The following EPHB1 variants were observed in gnomAD, a reference collection of about 807,000 sequenced individuals.
The protein encoded by EPHB1 is ephrin type-B receptor 1.
EPHB1 carries 30 observed loss-of-function variants against 94.4 expected under a neutral mutation model. The ratio of observed to expected loss-of-function variants is 0.32; its 90% CI spans 0.24 to 0.43. The LOEUF (loss-of-function observed/expected upper bound fraction) is 0.43. EPHB1 is among the 20% of genes least tolerant of loss of function. The pLI is 1.00. For synonymous variants in EPHB1, 522 were observed against 489.1 expected (o/e 1.07, Z -0.89); for missense variants, 1,055 against 1,308.3 (o/e 0.81, Z 2.99).
At chr3:135,173,768 A>G (rs990523411) in intron 9 of EPHB1, among the ~76,000 whole-genome samples, 17 of 152,184 alleles carry the variant, frequency 1.1e-4, no homozygotes, top group African/African-American at 4.1e-4. Context: ...CTTCAGTCCG[A>G]GTTTTCTGAC....
chr3:134,876,720 G>T (rs1483982417), intron 1 of EPHB1, among the ~76,000 whole-genome samples: 1 of 152,190 alleles, frequency 6.6e-6, no homozygotes, highest in Non-Finnish European at 1.5e-5. Context: ...AGTGTTTGGG[G>T]TAGGTTGGGG....
At chr3:135,219,665 C>T (rs1442048570) in intron 12 of EPHB1, among the ~76,000 whole-genome samples, 2 of 152,180 alleles carry the variant, frequency 1.3e-5, no homozygotes, top group Admixed American at 1.3e-4. Flanking sequence ...ACTGAGTTGG[C>T]AATGTAATTT....
intron 12 of EPHB1, among the ~76,000 whole-genome samples, chr3:135,231,919 TGTCACCATCAAGATTGTG>T (rs1943540517): frequency 6.6e-6 from 1 of 152,210 alleles, no homozygotes; most frequent in Non-Finnish European, 1.5e-5. Flanking sequence ...TAAATTACAG[TGTCACCATCAAGATTGTG>T]GCTTCTGGAA....
intron 1 of EPHB1, among the ~76,000 whole-genome samples, chr3:134,802,446 T>C (rs2035952999): frequency 6.6e-6 from 1 of 151,944 alleles, no homozygotes. Flanking sequence ...GCATGGATCC[T>C]CATAGCCTGT....
chr3:135,208,178 G>T lies in EPHB1; in HGVS notation c.2346+6489G>T, dbSNP rs553396931. On this transcript the variant is annotated intron_variant, in intron 12 of 15. Coordinates refer to ENST00000398015, the MANE Select transcript of EPHB1 (RefSeq NM_004441.5). ...AAGGGACCCCTGTTTAGGGCATTTG[G>T]AGATTTAGGGAGGAAGCATCCAAGG... Among the ~76,000 whole-genome samples the T allele has an allele frequency of 2.0e-5, 3 of 152,280 alleles. No individual in the cohort carries two copies. The East Asian group carries it at 5.8e-4, about 29-fold the overall frequency.
At position 135,241,341 on chromosome 3, in the gene EPHB1, G is replaced by A. The variant is rs747153018; in HGVS notation, c.2496+44G>A. On this transcript the variant is annotated intron_variant, in intron 13 of 15. Coordinates refer to ENST00000398015, the MANE Select transcript of EPHB1 (RefSeq NM_004441.5). ...TGGTCACCACAAACCCCCATTGAAG[G>A]GATCCCAAAGGCAGTAGCATACCAA... 5 of 1,609,894 alleles carry A rather than the reference G, an allele frequency of 3.1e-6. No individual in the cohort carries two copies. The Admixed American group carries it at 6.7e-5, about 22-fold the overall frequency.
chr3:134,832,879 T>G (rs1236373589), intron 1 of EPHB1, among the ~76,000 whole-genome samples: 1 of 152,222 alleles, frequency 6.6e-6, no homozygotes, highest in Non-Finnish European at 1.5e-5. Context: ...AACGCTGCAA[T>G]TCAGTGTATT....
In EPHB1 at chr3:134,795,334, G is replaced by C; in HGVS notation, c.-298G>C. ...GACACCAGGACGCACTCGCTCTCGC[G>C]CGCTCTCCCAGGCTCGTTCTCCCTC... On this transcript the variant is annotated 5_prime_UTR_variant, in exon 1 of 16. Coordinates refer to ENST00000398015, the MANE Select transcript of EPHB1 (RefSeq NM_004441.5). 1 of 481,122 alleles carries C rather than the reference G, an allele frequency of 2.1e-6. No individual in the cohort carries two copies. 29.8% of individuals were successfully genotyped at this position (481,122 alleles called of 1,614,324 possible).
intron 12 of EPHB1, among the ~76,000 whole-genome samples, chr3:135,230,717 C>G (rs1184409900): frequency 6.6e-6 from 1 of 152,088 alleles, no homozygotes; most frequent in African/African-American, 2.4e-5. Flanking sequence ...ATGCCTCCCT[C>G]CCTCCCTCTC....
intron 1 of EPHB1, among the ~76,000 whole-genome samples, chr3:134,900,767 G>A (rs953989731): frequency 7.9e-5 from 12 of 152,140 alleles, no homozygotes; most frequent in African/African-American, 2.7e-4. Flanking sequence ...GGGGGCATGG[G>A]TGTGTACATG....
chr3:135,149,788 T>A (rs370093090), intron 5 of EPHB1, among the ~76,000 whole-genome samples: 1 of 152,210 alleles, frequency 6.6e-6, no homozygotes, highest in Admixed American at 6.5e-5. Context: ...GTAACCCTCA[T>A]GTCATTGCCA....
At chr3:134,965,713 T>G (rs1933714769) in intron 3 of EPHB1, among the ~76,000 whole-genome samples, 1 of 152,070 alleles carries the variant, frequency 6.6e-6, no homozygotes, top group Non-Finnish European at 1.5e-5. Context: ...GAGCCTAAAT[T>G]CGAGTTAACC....
intron 1 of EPHB1, among the ~76,000 whole-genome samples, chr3:134,796,902 C>T (rs776651544): frequency 1.0e-3 from 155 of 152,350 alleles, no homozygotes; most frequent in Non-Finnish European, 1.8e-3. Context: ...ACTCGTTCCT[C>T]GCGAAACTGT....
intron 3 of EPHB1, among the ~76,000 whole-genome samples, chr3:135,094,095 C>T (rs1938659146): frequency 6.6e-6 from 1 of 152,132 alleles, no homozygotes; most frequent in African/African-American, 2.4e-5. Flanking sequence ...GTATAAATTC[C>T]ATCAAAAGAG....
At chr3:135,014,383 G>A (rs1160838969) in intron 3 of EPHB1, among the ~76,000 whole-genome samples, 1 of 152,146 alleles carries the variant, frequency 6.6e-6, no homozygotes, top group African/African-American at 2.4e-5. Flanking sequence ...CCAAAAGGGG[G>A]CCTTCCTTTT....
intron 1 of EPHB1, among the ~76,000 whole-genome samples, chr3:134,882,788 T>TTCTTTCTTTC (rs1289139455): frequency 6.1e-4 from 42 of 69,214 alleles, no homozygotes; most frequent in African/African-American, 1.6e-3. Flanking sequence ...CTTTCTTTCT[T>TTCTTTCTTTC]TCTTTCTTTC....
chr3:134,936,921 C>T (rs548901242), intron 2 of EPHB1, among the ~76,000 whole-genome samples: 2 of 152,208 alleles, frequency 1.3e-5, no homozygotes, highest in East Asian at 1.9e-4. Flanking sequence ...CATATCTTCA[C>T]GGGGCTGACC....
At position 135,076,260 on chromosome 3, in the gene EPHB1, T is replaced by TATATATATATATATATATATATATAA. The variant is rs1424213544; in HGVS notation, c.806-30187_806-30186insTATATATATATATATATATATATAAA. On this transcript the variant is annotated intron_variant, in intron 3 of 15. Transcript: ENST00000398015. ...ATATATATATATATATATATATATA[T>TATATATATATATATATATATATATAA]AACTCTTAAATGCATTAGTAAAAAG... Among the ~76,000 whole-genome samples, 413 of 104,132 alleles carry TATATATATATATATATATATATATAA rather than the reference T, an allele frequency of 4.0e-3. 18 individuals are homozygous for TATATATATATATATATATATATATAA. Among genetic ancestry groups the TATATATATATATATATATATATATAA allele is most frequent in the African/African-American group, 0.014 (389 of 27,448 alleles). The allele number at this position is 104,132 out of a possible 152,430, so 68.3% of individuals were successfully genotyped here.
In EPHB1 at chr3:135,260,108, G is replaced by T. The variant is rs1185917126; in HGVS notation, c.*988G>T. The T allele has an allele frequency of 8.6e-6, 2 of 232,988 alleles. No individual in the cohort carries two copies. Among genetic ancestry groups the T allele is most frequent in the Non-Finnish European group, 1.7e-5 (2 of 117,616 alleles). 14.4% of individuals were successfully genotyped at this position (232,988 alleles called of 1,614,324 possible). On this transcript the variant is annotated 3_prime_UTR_variant, in exon 16 of 16. Transcript: ENST00000398015. Reference sequence around the variant, plus strand: ...GTGAGTGGTTTGAATTGGATGCAGTGTGGGCCATCCTGGAATGATACTGAC... The same window carrying T: ...GTGAGTGGTTTGAATTGGATGCAGTTTGGGCCATCCTGGAATGATACTGAC...
Sources: gnomAD v4.1 joint callset for allele counts (sites outside exome capture counted in the v4.1 genomes callset) on GRCh38, gnomAD v4.1.1 for gene constraint, MANE v1.5 for transcripts, NCBI Gene and HGNC (gene_info 2026-07-23, HGNC 2026-07-21) for gene names.